The following USP48 variants were observed in gnomAD, a reference collection of about 807,000 sequenced individuals.
USP48 encodes the protein ubiquitin specific peptidase 48, also known as ubiquitin carboxyl-terminal hydrolase 48.
USP48 carries 43 observed loss-of-function variants against 150.7 expected under a neutral mutation model. The ratio of observed to expected loss-of-function variants is 0.29; its 90% CI spans 0.22 to 0.37. The LOEUF is 0.37. Ranked by LOEUF, USP48 falls within the 10% of genes least tolerant of loss-of-function variation. The pLI is 1.00. For synonymous variants in USP48, 396 were observed against 425.9 expected (o/e 0.93, Z 0.86); for missense variants, 813 against 1,249.6 (o/e 0.65, Z 5.27).
rs1013125565 is a variant in USP48, at chr1:21,743,982, G to A, written c.991+3085C>T. On this transcript the variant is annotated intron_variant, in intron 8 of 26. Coordinates refer to ENST00000308271, the MANE Select transcript of USP48 (RefSeq NM_032236.8). ...TGCTACTGGGTCAGCTGGAAGGAGCGTCTACAAAAGAATCTTAATAGTATT... is the reference window on the plus strand; with the variant it reads ...TGCTACTGGGTCAGCTGGAAGGAGCATCTACAAAAGAATCTTAATAGTATT... 3.3e-5 allele frequency among the ~76,000 whole-genome samples: 5 copies of A among 152,188 alleles called. No individual in the cohort carries two copies. The East Asian group carries it at 5.8e-4, about 18-fold the overall frequency.
At chr1:21,752,861 T>C (rs528875679) in intron 4 of USP48, 131 bp downstream of exon 4, 2 of 1,303,964 alleles carry the variant, frequency 1.5e-6, no homozygotes, top group South Asian at 3.1e-5. Context: ...GGACAGTAAA[T>C]AAAGGTTTTC....
rs779948495 is a variant in USP48, at chr1:21,736,444, AC to A, written c.1171+1del. On this transcript the variant is annotated splice_donor_variant, in intron 9 of 26. Transcript: ENST00000308271. LOFTEE classifies it high-confidence loss of function. ...AGGGCACTCACAACTTAAAGGTTTT[AC>A]CTAGATCTTCCTCAATCCCTAGTTG... 1 of 1,606,050 alleles carries A rather than the reference AC, an allele frequency of 6.2e-7. No individual in the cohort carries two copies. The highest frequency in any genetic ancestry group is 1.3e-5 in the African/African-American group (1 of 74,542).
intron 25 of USP48, among the ~76,000 whole-genome samples, chr1:21,683,026 C>T (rs983791114): frequency 1.3e-5 from 2 of 152,222 alleles, no homozygotes; most frequent in East Asian, 1.9e-4. Context: ...TTCGGGAGGC[C>T]GAGATGGGCA....
chr1:21,757,888 A>G, intron 1 of USP48, 105 bp from the exon 2 acceptor site: 1 of 1,347,462 alleles, frequency 7.4e-7, no homozygotes, highest in Non-Finnish European at 9.8e-7. Context: ...ATAAATTAGC[A>G]AAACTGAGAA....
intron 15 of USP48, among the ~76,000 whole-genome samples, chr1:21,709,105 C>T (rs2097683132): frequency 1.3e-5 from 2 of 151,588 alleles, no homozygotes; most frequent in East Asian, 2.0e-4. Flanking sequence ...GGGAGTCTCT[C>T]GAACTTCTGG....
intron 1 of USP48, among the ~76,000 whole-genome samples, chr1:21,768,091 C>T (rs1412649396): frequency 6.6e-6 from 1 of 151,964 alleles, no homozygotes; most frequent in Non-Finnish European, 1.5e-5. Flanking sequence ...CCTGTAGTCC[C>T]AGCTACTCAG....
chr1:21,694,324 G>C (rs2097614778), intron 23 of USP48, among the ~76,000 whole-genome samples: 1 of 151,910 alleles, frequency 6.6e-6, no homozygotes, highest in Non-Finnish European at 1.5e-5. Flanking sequence ...TGTAATCTCA[G>C]CACTTTGGGA....
intron 1 of USP48, among the ~76,000 whole-genome samples, chr1:21,766,127 A>G (rs1160943807): frequency 6.6e-6 from 1 of 152,094 alleles, no homozygotes; most frequent in Non-Finnish European, 1.5e-5. Context: ...CAGCACTCTG[A>G]AAGGCCGAGG....
At chr1:21,738,079 T>C (rs1229448186) in intron 8 of USP48, among the ~76,000 whole-genome samples, 1 of 151,912 alleles carries the variant, frequency 6.6e-6, no homozygotes, top group Admixed American at 6.6e-5. Context: ...TATTTTGAGA[T>C]GGAGTTTTGC....
intron 9 of USP48, among the ~76,000 whole-genome samples, chr1:21,735,885 GA>G (rs10708405): frequency 0.73 from 90,928 of 124,282 alleles, 32,816 homozygotes; most frequent in Admixed American, 0.8. Context: ...AACAAGAGCG[GA>G]AAAAAAAAAA....
intron 8 of USP48, 112 bp downstream of exon 8, chr1:21,746,955 G>C (rs1200622646): frequency 5.3e-6 from 4 of 756,674 alleles, no homozygotes; most frequent in Non-Finnish European, 8.2e-6. Context: ...TTCCCAGAGA[G>C]AGATTAGCAA....
At chr1:21,780,738 A>ATTTTTTTTTT (rs34071636) in intron 1 of USP48, among the ~76,000 whole-genome samples, 1 of 117,452 alleles carries the variant, frequency 8.5e-6, no homozygotes, top group Non-Finnish European at 1.7e-5. Flanking sequence ...AGATAAGATA[A>ATTTTTTTTTT]TTTTTTTTTT....
intron 8 of USP48, among the ~76,000 whole-genome samples, chr1:21,745,046 C>G (rs954588351): frequency 1.3e-5 from 2 of 152,062 alleles, no homozygotes; most frequent in African/African-American, 2.4e-5. Context: ...AATATAAATA[C>G]TAATTATCTG....
intron 1 of USP48, among the ~76,000 whole-genome samples, chr1:21,774,121 G>A (rs933594706): frequency 4.0e-5 from 6 of 151,808 alleles, no homozygotes; most frequent in Non-Finnish European, 8.8e-5. Context: ...GGAGGTTGCA[G>A]TGAGAGCAGA....
chr1:21,679,560 G>A (rs978221648), intron 26 of USP48, 121 bp from the exon 27 acceptor site: 22 of 1,230,360 alleles, frequency 1.8e-5, no homozygotes, highest in Middle Eastern at 2.2e-4. Context: ...GAACACAGTC[G>A]CACCTTGGTG....
intron 22 of USP48, among the ~76,000 whole-genome samples, chr1:21,699,463 G>A (rs1450441451): frequency 2.0e-5 from 3 of 151,502 alleles, no homozygotes; most frequent in Non-Finnish European, 2.9e-5. Context: ...CTCCCAAAGT[G>A]CTGGAATTAC....
chr1:21,712,865 TG>T (rs1217107245), intron 15 of USP48, among the ~76,000 whole-genome samples: 1 of 152,038 alleles, frequency 6.6e-6, no homozygotes, highest in East Asian at 1.9e-4. Flanking sequence ...TGACCTCAAC[TG>T]ATCCGCCTGC....
chr1:21,765,938 G>T (rs781133250), intron 1 of USP48, among the ~76,000 whole-genome samples: 14 of 129,280 alleles, frequency 1.1e-4, no homozygotes, highest in Non-Finnish European at 1.5e-4. Flanking sequence ...AAAAAAAAAA[G>T]GCAATTCAGT....
chr1:21,754,995 G>C (rs147721483), intron 3 of USP48, among the ~76,000 whole-genome samples: 1 of 152,162 alleles, frequency 6.6e-6, no homozygotes, highest in Non-Finnish European at 1.5e-5. Flanking sequence ...TTCAGCCCCA[G>C]GGATACAGGT....
Sources: allele counts gnomAD v4.1 joint callset (sites outside exome capture counted in the v4.1 genomes callset), GRCh38; gene constraint gnomAD v4.1.1; transcripts MANE v1.5; gene names NCBI Gene and HGNC (gene_info 2026-07-23, HGNC 2026-07-21).